Variants in MYLK4 observed in about 807,000 individuals in gnomAD.
MYLK4 encodes the protein caMLCK like.
In MYLK4, 46 loss-of-function variants were observed where a neutral mutation model predicts 48.1. The observed-to-expected ratio is 0.96, with a 90% CI of 0.75 to 1.22. The LOEUF is 1.22. Ranked by LOEUF, MYLK4 falls within the 50% of genes most tolerant of loss-of-function variation. MYLK4 has a pLI of 0.00. For missense variants in MYLK4, 451 were observed against 486.1 expected (o/e 0.93, Z 0.68); for synonymous variants, 170 against 180.8 (o/e 0.94, Z 0.48).
intron 7 of MYLK4, among the ~76,000 whole-genome samples, chr6:2,682,545 T>C (rs1761350535): frequency 6.6e-6 from 1 of 152,210 alleles, no homozygotes; most frequent in Admixed American, 6.5e-5. Context: ...CATAGGATTC[T>C]ATTCCACAGG....
chr6:2,688,854 C>G lies in MYLK4; in HGVS notation c.338G>C (p.Gly113Ala). The change falls in exon 4 of 13, where the codon GGA becomes GCA. Residue 113 changes from glycine (G) to alanine (A), a missense_variant. Coordinates refer to ENST00000274643, the MANE Select transcript of MYLK4 (RefSeq NM_001012418.5). The part of the protein sequence containing the change: ...FYTVSKTEIL[G>A]GGRFGQVHKC... Reference sequence around the variant, plus strand: ...ATTAACATTCAGCCTTACTCACCCTCCTAGGATTTCTGTCTTGCTCACAGT... The same window carrying G: ...ATTAACATTCAGCCTTACTCACCCTGCTAGGATTTCTGTCTTGCTCACAGT... 2 of 1,613,108 alleles carry G rather than the reference C, an allele frequency of 1.2e-6. No individual in the cohort carries two copies. Among genetic ancestry groups the G allele is most frequent in the Non-Finnish European group, 1.7e-6 (2 of 1,179,130 alleles).
intron 2 of MYLK4, among the ~76,000 whole-genome samples, chr6:2,714,062 T>C (rs999969896): frequency 9.9e-5 from 15 of 152,168 alleles, no homozygotes; most frequent in Non-Finnish European, 1.5e-5. Flanking sequence ...TGTAAAATAG[T>C]GCAGCTGCTA....
chr6:2,765,514 C>T, the MYLK4 span: 69 of 1,271,642 alleles, frequency 5.4e-5, no homozygotes, highest in African/African-American at 9.8e-4. Flanking sequence ...CCTGCTGGTT[C>T]CCCGAGCGAG....
chr6:2,717,881 T>C (rs1762924129), intron 2 of MYLK4, among the ~76,000 whole-genome samples: 1 of 152,072 alleles, frequency 6.6e-6, no homozygotes, highest in Non-Finnish European at 1.5e-5. Flanking sequence ...GTGAGAGATA[T>C]AAGAAATCCT....
the MYLK4 span, among the ~76,000 whole-genome samples, chr6:2,759,251 C>T: frequency 6.6e-6 from 1 of 152,038 alleles, no homozygotes; most frequent in Non-Finnish European, 1.5e-5. Context: ...CACTGGTGCA[C>T]AATACCACGC....
intron 2 of MYLK4, among the ~76,000 whole-genome samples, chr6:2,697,939 C>T (rs954482579): frequency 6.6e-6 from 1 of 152,222 alleles, no homozygotes; most frequent in South Asian, 2.1e-4. Context: ...TGTGAGAACA[C>T]TCTGTCATCA....
chr6:2,758,201 G>A, the MYLK4 span, among the ~76,000 whole-genome samples: 1 of 152,072 alleles, frequency 6.6e-6, no homozygotes, highest in Non-Finnish European at 1.5e-5. Flanking sequence ...AGATTCTAAA[G>A]ACGAAAAATA....
chr6:2,680,130 C>T, intron 8 of MYLK4, 91 bp downstream of exon 8: 14 of 1,383,580 alleles, frequency 1.0e-5, no homozygotes, highest in Non-Finnish European at 1.4e-5. Flanking sequence ...GATCATGAAA[C>T]CAAAGAGCAG....
At chr6:2,674,199 G>A (rs750269993) in intron 11 of MYLK4, among the ~76,000 whole-genome samples, 2 of 152,222 alleles carry the variant, frequency 1.3e-5, no homozygotes, top group African/African-American at 2.4e-5. Context: ...ATTGTAAGAA[G>A]TTATTACAGA....
In MYLK4 at chr6:2,688,876, C is replaced by T; in HGVS notation, c.316G>A (p.Val106Met). 2 of 1,614,156 alleles carry T rather than the reference C, an allele frequency of 1.2e-6. No individual in the cohort carries two copies. The highest frequency in any genetic ancestry group is 8.5e-7 in the Non-Finnish European group (1 of 1,179,982). ...KQGAVNSFYT[V>M]SKTEILGGGR... Reference sequence around the variant, plus strand: ...CCTCCTAGGATTTCTGTCTTGCTCACAGTATAGAAGCTGTTGACCGCTCCT... The same window carrying T: ...CCTCCTAGGATTTCTGTCTTGCTCATAGTATAGAAGCTGTTGACCGCTCCT... Residue 106 changes from valine to methionine, a missense_variant, in exon 4 of 13, where the codon GTG becomes ATG. By Grantham distance (21) the Val-to-Met change is conservative (BLOSUM62 1). Coordinates refer to ENST00000274643, the MANE Select transcript of MYLK4 (RefSeq NM_001012418.5).
chr6:2,765,187 C>G, the MYLK4 span, among the ~76,000 whole-genome samples: 4 of 103,170 alleles, frequency 3.9e-5, no homozygotes, highest in Non-Finnish European at 9.3e-5. Flanking sequence ...TCGCAACCCC[C>G]CCCCCCGCCC....
At chr6:2,761,038 G>A in the MYLK4 span, among the ~76,000 whole-genome samples, 1 of 152,146 alleles carries the variant, frequency 6.6e-6, no homozygotes, top group East Asian at 1.9e-4. Context: ...CATACCTTAG[G>A]TATGAACATG....
Position 2,685,639 on chromosome 6 carries a change from A to G in MYLK4, c.342-63T>C. ...TGGTCAGCTGCCGAGTGGACAGCGC[A>G]CAGTGGCCCCAGTATTTCTCCTGCT... On this transcript the variant is annotated intron_variant, in intron 4 of 12. Coordinates refer to ENST00000274643, the MANE Select transcript of MYLK4 (RefSeq NM_001012418.5). This position sits in a 1 kb window ranked among gnomAD's most constrained non-coding sequence, Gnocchi z 4.5. 1 of 1,457,404 alleles carries G rather than the reference A, an allele frequency of 6.9e-7. No individual in the cohort carries two copies. Among genetic ancestry groups the G allele is most frequent in the Non-Finnish European group, 9.6e-7 (1 of 1,042,472 alleles). The allele number at this position is 1,457,404 out of a possible 1,614,324, so 90.3% of individuals were successfully genotyped here. A position where few individuals can be genotyped will look rare whatever the true frequency, so the allele number is the denominator to read the frequency against.
intron 2 of MYLK4, among the ~76,000 whole-genome samples, chr6:2,718,392 TGTGCTCTCCA>T (rs930903893): frequency 6.6e-6 from 1 of 152,176 alleles, no homozygotes; most frequent in African/African-American, 2.4e-5. Context: ...ACCTGGATAA[TGTGCTCTCCA>T]AAAAAACTAC....
chr6:2,733,499 C>G (rs182341077), intron 2 of MYLK4, among the ~76,000 whole-genome samples: 1 of 152,132 alleles, frequency 6.6e-6, no homozygotes, highest in South Asian at 2.1e-4. Context: ...GAGGAACCAC[C>G]GAGGAGGTGT....
intron 2 of MYLK4, among the ~76,000 whole-genome samples, chr6:2,709,093 G>A (rs986002919): frequency 6.6e-6 from 1 of 152,056 alleles, no homozygotes; most frequent in Non-Finnish European, 1.5e-5. Context: ...CCCTCTATCG[G>A]TCATCTCATC....
intron 12 of MYLK4, among the ~76,000 whole-genome samples, chr6:2,671,009 G>C (rs1057095983): frequency 6.6e-6 from 1 of 151,928 alleles, no homozygotes; most frequent in African/African-American, 2.4e-5. Context: ...CTCTGGTCTC[G>C]GGGCTTTGCT....
chr6:2,675,619 G>C (rs1669466642), intron 10 of MYLK4, among the ~76,000 whole-genome samples: 1 of 152,138 alleles, frequency 6.6e-6, no homozygotes, highest in Non-Finnish European at 1.5e-5. Context: ...ATTATTAAGA[G>C]AGGGACCATT....
At chr6:2,721,289 C>G (rs191786500) in intron 2 of MYLK4, among the ~76,000 whole-genome samples, 28 of 152,292 alleles carry the variant, frequency 1.8e-4, no homozygotes, top group African/African-American at 6.5e-4. Context: ...TCATACAAAG[C>G]CTACCACTGT....
Sources: gnomAD v4.1 joint callset for allele counts (sites outside exome capture counted in the v4.1 genomes callset) on GRCh38, gnomAD v4.1.1 for gene constraint, Gnocchi (gnomAD v3.1) non-coding constraint, MANE v1.5 for transcripts, NCBI Gene and HGNC (gene_info 2026-07-23, HGNC 2026-07-21) for gene names.